Variants in DPP10 observed in about 807,000 individuals in gnomAD.
The protein encoded by DPP10 is dipeptidyl peptidase like 10.
In DPP10, 33 loss-of-function variants were observed where a neutral mutation model predicts 120.9. The ratio of observed to expected loss-of-function variants is 0.27; its 90% CI spans 0.21 to 0.37. DPP10 has a LOEUF of 0.37. Ranked by LOEUF, DPP10 falls within the 10% of genes least tolerant of loss-of-function variation. DPP10 has a pLI of 1.00. For synonymous variants in DPP10, 337 were observed against 326.1 expected (o/e 1.03, Z -0.36); for missense variants, 816 against 942.8 (o/e 0.87, Z 1.76).
chr2:114,457,886 A>G (rs1268593645), intron 1 of DPP10, among the ~76,000 whole-genome samples: 1 of 152,156 alleles, frequency 6.6e-6, no homozygotes, highest in Non-Finnish European at 1.5e-5. Context: ...GTTCCTTTTA[A>G]AATAGTAACA....
chr2:114,686,591 CA>C (rs1338075316), intron 1 of DPP10, among the ~76,000 whole-genome samples: 2 of 151,832 alleles, frequency 1.3e-5, no homozygotes, highest in African/African-American at 4.8e-5. Context: ...TTAGCCCCAT[CA>C]GAAAAACTAG....
intron 1 of DPP10, among the ~76,000 whole-genome samples, chr2:114,603,144 T>C (rs1275422269): frequency 2.0e-5 from 3 of 152,052 alleles, no homozygotes; most frequent in African/African-American, 7.2e-5. Flanking sequence ...TCATAGTCAT[T>C]GTAATAATAA....
At chr2:115,831,890 A>T (rs1688963771) in intron 21 of DPP10, among the ~76,000 whole-genome samples, 1 of 152,228 alleles carries the variant, frequency 6.6e-6, no homozygotes, top group Non-Finnish European at 1.5e-5. Context: ...AAATCCGATC[A>T]CGGGAAGACC....
At chr2:115,696,752 CT>C (rs2091613817) in intron 7 of DPP10, among the ~76,000 whole-genome samples, 1 of 152,084 alleles carries the variant, frequency 6.6e-6, no homozygotes, top group Non-Finnish European at 1.5e-5. Flanking sequence ...TGCACTTTTT[CT>C]TTTCTACTTA....
intron 1 of DPP10, among the ~76,000 whole-genome samples, chr2:115,079,134 A>G (rs974080271): frequency 8.5e-5 from 13 of 152,328 alleles, no homozygotes; most frequent in Middle Eastern, 3.4e-3. Flanking sequence ...TAATCCCAGC[A>G]CTTTGGGGCG....
intron 1 of DPP10, among the ~76,000 whole-genome samples, chr2:114,792,634 C>T (rs1032306775): frequency 1.3e-5 from 2 of 152,156 alleles, no homozygotes; most frequent in African/African-American, 4.8e-5. Context: ...ATTGTTTAGG[C>T]TGAATACCTA....
intron 1 of DPP10, among the ~76,000 whole-genome samples, chr2:115,057,307 A>C (rs1706003185): frequency 6.6e-6 from 1 of 152,186 alleles, no homozygotes; most frequent in Non-Finnish European, 1.5e-5. Flanking sequence ...TGGCTGCAAA[A>C]TGCTTTCTTC....
intron 1 of DPP10, among the ~76,000 whole-genome samples, chr2:115,031,241 A>G (rs13411197): frequency 0.017 from 2,582 of 152,290 alleles, 67 homozygotes; most frequent in African/African-American, 0.06. Context: ...AATTCAATGT[A>G]TATTGAAAAG....
At chr2:114,708,644 G>A (rs1316527087) in intron 1 of DPP10, among the ~76,000 whole-genome samples, 4 of 152,214 alleles carry the variant, frequency 2.6e-5, no homozygotes, top group Non-Finnish European at 4.4e-5. Flanking sequence ...TAAAAAAAAG[G>A]AGGAAAGAAA....
chr2:115,601,504 A>G (rs1281756425), intron 5 of DPP10, among the ~76,000 whole-genome samples: 1 of 152,182 alleles, frequency 6.6e-6, no homozygotes, highest in Admixed American at 6.6e-5. Context: ...CCTTAAATGC[A>G]TTGTTATTAA....
At chr2:114,811,688 C>T (rs1043284710) in intron 1 of DPP10, among the ~76,000 whole-genome samples, 1 of 152,152 alleles carries the variant, frequency 6.6e-6, no homozygotes, top group Non-Finnish European at 1.5e-5. Context: ...CTTACTCCAC[C>T]ACCACTACCC....
intron 1 of DPP10, among the ~76,000 whole-genome samples, chr2:114,547,661 G>A (rs968185219): frequency 7.2e-5 from 11 of 152,198 alleles, no homozygotes; most frequent in Non-Finnish European, 1.5e-4. Context: ...AAATATTTGT[G>A]TGGATGTGTA....
chr2:115,687,212 T>G (rs1256582954), intron 5 of DPP10, among the ~76,000 whole-genome samples: 2 of 152,004 alleles, frequency 1.3e-5, no homozygotes, highest in Admixed American at 1.3e-4. Flanking sequence ...TCCAACACTA[T>G]GTCAAGAAAG....
chr2:115,007,437 AGAGCTATCCAT>A (rs1701936517), intron 1 of DPP10, among the ~76,000 whole-genome samples: 1 of 152,236 alleles, frequency 6.6e-6, no homozygotes, highest in Non-Finnish European at 1.5e-5. Context: ...CAAAATAATA[AGAGCTATCCAT>A]GACAAACCCA....
At chr2:115,468,032 G>A (rs2074439723) in intron 3 of DPP10, 3 of 364,522 alleles carry the variant, frequency 8.2e-6, no homozygotes, top group South Asian at 2.2e-5. Context: ...GATTCCCGCT[G>A]TAACTTAAAG....
chr2:115,384,490 AG>A, intron 3 of DPP10, among the ~76,000 whole-genome samples: 1 of 150,890 alleles, frequency 6.6e-6, no homozygotes, highest in African/African-American at 2.4e-5. Flanking sequence ...AAGAAGAAGA[AG>A]AAGAGGAAAA....
chr2:115,208,049 C>G (rs910260628), intron 1 of DPP10, among the ~76,000 whole-genome samples: 1 of 152,282 alleles, frequency 6.6e-6, no homozygotes, highest in Non-Finnish European at 1.5e-5. Flanking sequence ...GGAAAATCCA[C>G]TAATCTAAGC....
chr2:115,835,134 T>TA (rs59625893), intron 21 of DPP10, among the ~76,000 whole-genome samples: 55 of 134,958 alleles, frequency 4.1e-4, no homozygotes, highest in African/African-American at 3.6e-4. Context: ...AGACTCTGTC[T>TA]AAAAAAAAAA....
Position 115,351,142 on chromosome 2 carries a change from C to T in DPP10, c.271+7230C>T, listed in dbSNP as rs901078781. 2.0e-5 allele frequency among the ~76,000 whole-genome samples: 3 copies of T among 151,838 alleles called. No individual in the cohort carries two copies. In the East Asian group the frequency reaches 5.8e-4, roughly 29 times the overall value. ...ACCTAGGTGCCCCAAAATGTAGGAG[C>T]GGATAAAGAAAATGTGGTACATATA... On this transcript the variant is annotated intron_variant, in intron 3 of 25. Transcript: ENST00000410059.
Sources: gnomAD v4.1 joint callset for allele counts (sites outside exome capture counted in the v4.1 genomes callset) on GRCh38, gnomAD v4.1.1 for gene constraint, MANE v1.5 for transcripts, NCBI Gene and HGNC (gene_info 2026-07-23, HGNC 2026-07-21) for gene names.